The following CD247 variants were observed in gnomAD, a reference collection of about 807,000 sequenced individuals.
CD247 encodes the protein CD247 molecule, also known as T-cell surface glycoprotein CD3 zeta chain.
Under a neutral mutation model 30.0 loss-of-function variants are expected in CD247, and 13 were observed. That is an observed-to-expected ratio of 0.43 (90% confidence interval 0.28 to 0.69). The LOEUF is 0.69. Among genes scored for constraint, CD247 ranks in the 30% least tolerant of loss-of-function variants. The pLI is 0.16. For missense variants in CD247, 193 were observed against 212.6 expected (o/e 0.91, Z 0.57); for synonymous variants, 72 against 80.0 (o/e 0.90, Z 0.53).
chr1:167,446,610 A>C (rs840009), intron 1 of CD247, among the ~76,000 whole-genome samples: 149,470 of 152,274 alleles, frequency 0.98, 73,414 homozygotes, highest in Middle Eastern at 1. Context: ...GACCTCCCAC[A>C]CCATCATGCC....
Position 167,431,618 on chromosome 1 carries a change from T to C in CD247, c.*63A>G. On this transcript the variant is annotated 3_prime_UTR_variant, in exon 8 of 8. Coordinates refer to ENST00000362089, the MANE Select transcript of CD247 (RefSeq NM_198053.3). Reference sequence around the variant, plus strand: ...AGTGAACCGGGTTGTAAATGCTTCATCCTGTGTCTCATAATCTGGGCGTCT... The same window carrying C: ...AGTGAACCGGGTTGTAAATGCTTCACCCTGTGTCTCATAATCTGGGCGTCT... 1 of 1,319,402 alleles carries C rather than the reference T, an allele frequency of 7.6e-7. No homozygotes were observed. The highest frequency in any genetic ancestry group is 1.1e-6 in the Non-Finnish European group (1 of 910,760). 81.7% of individuals were successfully genotyped at this position (1,319,402 alleles called of 1,614,324 possible). A position where few individuals can be genotyped will look rare whatever the true frequency, so the allele number is the denominator to read the frequency against.
intron 7 of CD247, among the ~76,000 whole-genome samples, chr1:167,432,552 CA>C (rs2101984662): frequency 6.6e-6 from 1 of 152,320 alleles, no homozygotes; most frequent in Non-Finnish European, 1.5e-5. Context: ...CACTGATTTG[CA>C]AAAACCAGGC....
At chr1:167,516,840 G>A (rs538895900) in intron 1 of CD247, among the ~76,000 whole-genome samples, 1 of 152,162 alleles carries the variant, frequency 6.6e-6, no homozygotes, top group East Asian at 1.9e-4. Flanking sequence ...TGTTTACCAC[G>A]CTTGGCAGCC....
chr1:167,455,770 G>A (rs1310720552), intron 1 of CD247, among the ~76,000 whole-genome samples: 1 of 152,224 alleles, frequency 6.6e-6, no homozygotes, highest in Non-Finnish European at 1.5e-5. Context: ...GGCGCTGGGG[G>A]CCGAGGGTCT....
At chr1:167,462,115 C>T (rs2988277) in intron 1 of CD247, among the ~76,000 whole-genome samples, 41,413 of 152,132 alleles carry the variant, frequency 0.27, 6,788 homozygotes, top group Middle Eastern at 0.41. Context: ...CTGTCACAGG[C>T]TAACTGATGC....
intron 1 of CD247, among the ~76,000 whole-genome samples, chr1:167,488,718 G>A (rs575630686): frequency 6.6e-6 from 1 of 152,250 alleles, no homozygotes; most frequent in Non-Finnish European, 1.5e-5. Flanking sequence ...TGTCAAGCAG[G>A]GAATCTTTAG....
rs56199250 is a variant in CD247, at chr1:167,438,562, A to T, written c.300+8T>A. 6.9e-3 allele frequency: 11,058 copies of T among 1,607,538 alleles called. 70 individuals are homozygous for T. The highest frequency in any genetic ancestry group is 0.014 in the Middle Eastern group (84 of 6,046). ...CAGGAACACACAGGAAGGTAGAGGA[A>T]CCCCTACCGGCTTTCCCCCCATCTC... On this transcript the variant is annotated splice_region_variant and intron_variant, in intron 4 of 7. Coordinates refer to ENST00000362089, the MANE Select transcript of CD247 (RefSeq NM_198053.3).
chr1:167,456,183 C>T (rs888776164), intron 1 of CD247, among the ~76,000 whole-genome samples: 1 of 152,194 alleles, frequency 6.6e-6, no homozygotes, highest in Non-Finnish European at 1.5e-5. Context: ...ATACCCAGTG[C>T]ATGGAGAGCG....
chr1:167,451,249 C>G (rs949302566), intron 1 of CD247, among the ~76,000 whole-genome samples: 1 of 152,166 alleles, frequency 6.6e-6, no homozygotes, highest in Non-Finnish European at 1.5e-5. Context: ...AGATGGGGAA[C>G]AGCTGCAGGG....
At chr1:167,440,937 C>A (rs535092816) in intron 1 of CD247, among the ~76,000 whole-genome samples, 170 bp from the exon 2 acceptor site, 1 of 152,334 alleles carries the variant, frequency 6.6e-6, no homozygotes, top group Admixed American at 6.5e-5. Flanking sequence ...CCCACCTCAA[C>A]CAGCTCCTGG....
At chr1:167,500,664 G>A (rs1419187515) in intron 1 of CD247, among the ~76,000 whole-genome samples, 1 of 152,170 alleles carries the variant, frequency 6.6e-6, no homozygotes, top group Non-Finnish European at 1.5e-5. Context: ...GATGTGCTGT[G>A]AGTTTCTGAG....
chr1:167,479,770 T>C (rs1342287093), intron 1 of CD247, among the ~76,000 whole-genome samples: 1 of 152,168 alleles, frequency 6.6e-6, no homozygotes. Context: ...GGAATGCCCC[T>C]TCCTCCTGCC....
At chr1:167,451,253 T>C (rs899161090) in intron 1 of CD247, among the ~76,000 whole-genome samples, 1 of 152,206 alleles carries the variant, frequency 6.6e-6, no homozygotes, top group Non-Finnish European at 1.5e-5. Flanking sequence ...GGGGAACAGC[T>C]GCAGGGTTTT....
intron 1 of CD247, among the ~76,000 whole-genome samples, chr1:167,463,704 C>T (rs1259286566): frequency 6.6e-6 from 1 of 152,124 alleles, no homozygotes; most frequent in Non-Finnish European, 1.5e-5. Context: ...AGAAAAAAGA[C>T]CCCATTGTAA....
intron 1 of CD247, among the ~76,000 whole-genome samples, chr1:167,475,802 TAA>T (rs1285518959): frequency 6.6e-6 from 1 of 151,926 alleles, no homozygotes; most frequent in African/African-American, 2.4e-5. Context: ...TTCAAAGAAA[TAA>T]AGAGAGGGGT....
chr1:167,511,862 C>T (rs1199111654), intron 1 of CD247, among the ~76,000 whole-genome samples: 1 of 151,902 alleles, frequency 6.6e-6, no homozygotes. Context: ...TCTTCATTTA[C>T]GAGAAGAGAT....
intron 1 of CD247, among the ~76,000 whole-genome samples, chr1:167,481,059 G>A (rs1353545830): frequency 2.0e-5 from 3 of 152,210 alleles, no homozygotes; most frequent in East Asian, 3.8e-4. Context: ...GGCTGAGGTG[G>A]GTAGATTGCT....
chr1:167,482,632 C>G (rs1654019758), intron 1 of CD247, among the ~76,000 whole-genome samples: 1 of 152,216 alleles, frequency 6.6e-6, no homozygotes, highest in Admixed American at 6.5e-5. Flanking sequence ...GCTATGAAAG[C>G]AACAACTTCT....
chr1:167,461,107 G>A (rs1383200150), intron 1 of CD247, among the ~76,000 whole-genome samples: 4 of 152,248 alleles, frequency 2.6e-5, no homozygotes, highest in Admixed American at 6.5e-5. Flanking sequence ...GGACGTGGGC[G>A]ATCGTGGGCT....
Sources: allele counts gnomAD v4.1 joint callset (sites outside exome capture counted in the v4.1 genomes callset), GRCh38; gene constraint gnomAD v4.1.1; transcripts MANE v1.5; gene names NCBI Gene and HGNC (gene_info 2026-07-23, HGNC 2026-07-21).